The following CCDC39 variants were observed in gnomAD, a reference collection of about 807,000 sequenced individuals.
CCDC39 encodes coiled-coil domain-containing protein 39.
Under a neutral mutation model 121.0 loss-of-function variants are expected in CCDC39, and 113 were observed. The ratio of observed to expected loss-of-function variants is 0.93; its 90% CI spans 0.80 to 1.09. The LOEUF is 1.09. CCDC39 is among the 50% of genes least tolerant of loss of function. CCDC39 has a pLI of 0.00. For missense variants in CCDC39, 1,063 were observed against 1,074.7 expected, an observed-to-expected ratio of 0.99 and a Z score of 0.15; for synonymous variants, 349 against 352.2, an observed-to-expected ratio of 0.99 and a Z score of 0.10.
Position 180,631,418 on chromosome 3 carries a change from G to A in CCDC39, c.1998+51C>T, listed in dbSNP as rs895509613. ...AAATTCAGAGGATTATGATGAATGA[G>A]TTAACAAAGAAAATTTCATACCATC... is the stretch of plus-strand genomic sequence containing the variant. On this transcript the variant is annotated intron_variant, in intron 14 of 19. Coordinates refer to ENST00000476379, the MANE Select transcript of CCDC39 (RefSeq NM_181426.2). The A allele has an allele frequency of 6.7e-6, 10 of 1,491,102 alleles. No individual in the cohort carries two copies. The African/African-American group carries it at 7.0e-5, about 10-fold the overall frequency. 92.4% of individuals were successfully genotyped at this position (1,491,102 alleles called of 1,614,324 possible).
Position 180,616,703 on chromosome 3 carries a change from T to C in CCDC39, c.2407-8A>G. On this transcript the variant is annotated splice_polypyrimidine_tract_variant and splice_region_variant and intron_variant, in intron 17 of 19. Coordinates refer to ENST00000476379, the MANE Select transcript of CCDC39 (RefSeq NM_181426.2). ...CTTTGTGAGTTTTGCACACTGTTGG[T>C]AAATAATAGTCAATTATTCTATAAA... is the stretch of plus-strand genomic sequence containing the variant. The C allele has an allele frequency of 6.3e-7, 1 of 1,582,962 alleles. No homozygotes were observed. The highest frequency in any genetic ancestry group is 1.1e-5 in the South Asian group (1 of 87,222).
At chr3:180,654,328 C>G (rs1711534283) in intron 7 of CCDC39, among the ~76,000 whole-genome samples, 1 of 150,120 alleles carries the variant, frequency 6.7e-6, no homozygotes, top group Non-Finnish European at 1.5e-5. Context: ...AGACCTGACA[C>G]TGTAAAACTT....
At chr3:180,668,656 T>A (rs1282475153) in intron 1 of CCDC39, among the ~76,000 whole-genome samples, 1 of 152,190 alleles carries the variant, frequency 6.6e-6, no homozygotes, top group Non-Finnish European at 1.5e-5. Context: ...ATGTTTCTAT[T>A]TGTTGTTTAT....
At chr3:180,654,684 G>A in intron 7 of CCDC39, 78 bp downstream of exon 7, 3 of 949,094 alleles carry the variant, frequency 3.2e-6, no homozygotes, top group South Asian at 2.6e-5. Context: ...TTTATCACAG[G>A]AAAAGCTTTA....
chr3:180,642,588 G>A (rs1171630791), intron 12 of CCDC39, among the ~76,000 whole-genome samples: 2 of 151,988 alleles, frequency 1.3e-5, no homozygotes, highest in Non-Finnish European at 2.9e-5. Context: ...CGTGAATAGA[G>A]TACTGACATA....
rs748476314 is a variant in CCDC39, at chr3:180,616,907, T to C, written c.2325A>G (p.Leu775=). 1.0e-5 allele frequency: 16 copies of C among 1,560,222 alleles called. No individual in the cohort carries two copies. In the South Asian group the frequency reaches 1.3e-4, roughly 12 times the overall value. The part of the protein sequence containing the change: ...EHLANNVKEK[L]SEKQAYSFQL... ...GAAATGAATAAGCCTGCTTCTCTGA[T>C]AACTTTTCTTTAACATTATTTGCCA... Residue 775 remains leucine (L), a synonymous_variant, in exon 17 of 20, where the codon TTA becomes TTG. Coordinates refer to ENST00000476379, the MANE Select transcript of CCDC39 (RefSeq NM_181426.2).
intron 10 of CCDC39, 105 bp from the exon 11 acceptor site, chr3:180,647,348 T>A: frequency 1.0e-6 from 1 of 954,764 alleles, no homozygotes; most frequent in Non-Finnish European, 1.5e-6. Flanking sequence ...CTAGGCATTA[T>A]CATGTAATAA....
At chr3:180,623,775 T>C (rs1717489259) in intron 14 of CCDC39, among the ~76,000 whole-genome samples, 1 of 152,144 alleles carries the variant, frequency 6.6e-6, no homozygotes, top group South Asian at 2.1e-4. Flanking sequence ...CAAAGTTTTC[T>C]GAGCATTGAT....
At chr3:180,657,390 T>C (rs1050437785) in intron 6 of CCDC39, among the ~76,000 whole-genome samples, 2 of 152,150 alleles carry the variant, frequency 1.3e-5, no homozygotes, top group Admixed American at 6.5e-5. Flanking sequence ...CGAGTTACTT[T>C]AGCCATGGGG....
Position 180,658,869 on chromosome 3 carries a change from T to G in CCDC39, c.738+583A>C, listed in dbSNP as rs1195545843. The stretch of plus-strand genomic sequence containing the variant: ...CCTTCTCTTTCTCAAATCTTCCCAC[T>G]TTTATTCCCCATTATTTCATTCCTT... On this transcript the variant is annotated intron_variant, in intron 6 of 19. Coordinates refer to ENST00000476379, the MANE Select transcript of CCDC39 (RefSeq NM_181426.2). 5.3e-5 allele frequency among the ~76,000 whole-genome samples: 8 copies of G among 152,162 alleles called. No individual in the cohort carries two copies. In the East Asian group the frequency reaches 1.5e-3, roughly 29 times the overall value.
chr3:180,659,121 G>T (rs1436952475), intron 6 of CCDC39, among the ~76,000 whole-genome samples: 1 of 152,092 alleles, frequency 6.6e-6, no homozygotes, highest in Non-Finnish European at 1.5e-5. Context: ...TTGCCAAATA[G>T]CATACACATT....
chr3:180,634,871 C>T (rs906194770), intron 13 of CCDC39, among the ~76,000 whole-genome samples: 9 of 152,190 alleles, frequency 5.9e-5, no homozygotes, highest in Non-Finnish European at 1.2e-4. Flanking sequence ...AAAGACCCCA[C>T]ACAAAGCCTT....
At chr3:180,654,720 T>C in intron 7 of CCDC39, 42 bp downstream of exon 7, 1 of 1,355,044 alleles carries the variant, frequency 7.4e-7, no homozygotes, top group African/African-American at 1.5e-5. Context: ...TTATAGTGAT[T>C]TGTCGTGAAC....
chr3:180,658,638 A>T (rs556725623), intron 6 of CCDC39, among the ~76,000 whole-genome samples: 2 of 152,220 alleles, frequency 1.3e-5, no homozygotes, highest in South Asian at 4.1e-4. Flanking sequence ...CATAGTTAAG[A>T]TTGGTTCTCC....
At chr3:180,641,929 AGCTAGTTCTCCTGAC>A in intron 13 of CCDC39, 49 bp downstream of exon 13, 4 of 1,162,542 alleles carry the variant, frequency 3.4e-6, no homozygotes, top group Non-Finnish European at 4.9e-6. Context: ...TAGAGGGGGC[AGCTAGTTCTCCTGAC>A]ATCATCCTGT....
chr3:180,641,685 A>G (rs371985217), intron 13 of CCDC39, among the ~76,000 whole-genome samples: 2 of 152,200 alleles, frequency 1.3e-5, no homozygotes, highest in East Asian at 3.8e-4. Flanking sequence ...AATCACTTCA[A>G]TAGATGCAGC....
chr3:180,656,063 T>C (rs150536683), intron 6 of CCDC39, among the ~76,000 whole-genome samples: 1 of 152,350 alleles, frequency 6.6e-6, no homozygotes, highest in East Asian at 1.9e-4. Flanking sequence ...ATCTGAGATA[T>C]ATTTTAAAAA....
At chr3:180,621,663 A>T (rs1717435508) in intron 14 of CCDC39, among the ~76,000 whole-genome samples, 1 of 151,760 alleles carries the variant, frequency 6.6e-6, no homozygotes, top group African/African-American at 2.4e-5. Flanking sequence ...TGGTGTACAG[A>T]TTTTTTTGTC....
intron 1 of CCDC39, among the ~76,000 whole-genome samples, chr3:180,673,034 A>C (rs1712093148): frequency 6.6e-6 from 1 of 152,242 alleles, no homozygotes; most frequent in Admixed American, 6.5e-5. Flanking sequence ...GGGAGCCTGA[A>C]GATGTGACTG....
Sources: allele counts gnomAD v4.1 joint callset (sites outside exome capture counted in the v4.1 genomes callset), GRCh38; gene constraint gnomAD v4.1.1; transcripts MANE v1.5; gene names NCBI Gene and HGNC (gene_info 2026-07-23, HGNC 2026-07-21).